The following CACNA1C variants were observed in gnomAD, a reference collection of about 807,000 sequenced individuals.
CACNA1C encodes calcium voltage-gated channel subunit alpha1 C.
In CACNA1C, 30 loss-of-function variants were observed where a neutral mutation model predicts 229.0. The ratio of observed to expected loss-of-function variants is 0.13; its 90% CI spans 0.10 to 0.18. The LOEUF is 0.18. CACNA1C is among the 10% of genes least tolerant of loss of function. CACNA1C has a pLI of 1.00. For missense variants in CACNA1C, 1,658 were observed against 2,845.0 expected, an observed-to-expected ratio of 0.58 and a Z score of 9.49; for synonymous variants, 1,114 against 1,132.5, an observed-to-expected ratio of 0.98 and a Z score of 0.33.
At chr12:2,454,600 A>G (rs1026764681) in intron 4 of CACNA1C, among the ~76,000 whole-genome samples, 2 of 152,112 alleles carry the variant, frequency 1.3e-5, no homozygotes, top group African/African-American at 2.4e-5. Context: ...ATCAAGTCCA[A>G]CCAGAGATCT....
intron 3 of CACNA1C, among the ~76,000 whole-genome samples, chr12:2,377,500 C>T (rs942051849): frequency 3.3e-5 from 5 of 152,076 alleles, no homozygotes; most frequent in African/African-American, 7.2e-5. Context: ...CCCCTGACGT[C>T]GAGGGATTTA....
At position 2,346,378 on chromosome 12, in the gene CACNA1C, C is replaced by T. The variant is rs2097023496; in HGVS notation, c.478-102598C>T. 6.6e-6 allele frequency among the ~76,000 whole-genome samples: 1 copy of T among 152,062 alleles called. No homozygotes were observed. The highest frequency in any genetic ancestry group is 1.5e-5 in the Non-Finnish European group (1 of 68,018). ...TCTCTGTGTTTGTGTGTTTGTGTGTCTATGTCTGTGTTTGGGCAAGACTGT... is the reference window on the plus strand; with the variant it reads ...TCTCTGTGTTTGTGTGTTTGTGTGTTTATGTCTGTGTTTGGGCAAGACTGT... On this transcript the variant is annotated intron_variant, in intron 3 of 46. Transcript: ENST00000399655. The surrounding 1 kb of genome is among the most constrained non-coding windows in gnomAD (Gnocchi z 4.4).
chr12:2,239,043 G>A lies in CACNA1C; in HGVS notation c.477+118613G>A, dbSNP rs2068659764. Among the ~76,000 whole-genome samples, 2 of 152,330 alleles carry A rather than the reference G, an allele frequency of 1.3e-5. 1 individual carries two copies. The highest frequency in any genetic ancestry group is 6.8e-3 in the Middle Eastern group (2 of 294). On this transcript the variant is annotated intron_variant, in intron 3 of 46. Coordinates refer to ENST00000399655, the MANE Select transcript of CACNA1C (RefSeq NM_000719.7). ...TGACATAACACATATGAACCATTTA[G>A]CTAGCGTCATGCCTGTCACATGGTA...
At chr12:2,148,448 T>C (rs1048011337) in intron 3 of CACNA1C, among the ~76,000 whole-genome samples, 1 of 151,036 alleles carries the variant, frequency 6.6e-6, no homozygotes, top group Non-Finnish European at 1.5e-5. Flanking sequence ...GCTCCAGGGG[T>C]TCTGGGTCAC....
chr12:2,121,476 T>C (rs2086692680), intron 3 of CACNA1C, among the ~76,000 whole-genome samples: 1 of 152,130 alleles, frequency 6.6e-6, no homozygotes, highest in African/African-American at 2.4e-5. Context: ...GTCGCCCCAG[T>C]TTTTTCAGGT....
intron 1 of CACNA1C, among the ~76,000 whole-genome samples, chr12:2,111,636 A>G (rs1565761029): frequency 6.6e-6 from 1 of 152,172 alleles, no homozygotes; most frequent in Non-Finnish European, 1.5e-5. Context: ...AGTTGGGGAC[A>G]GGGCAGCTTT....
chr12:2,211,550 G>A (rs909846477), intron 3 of CACNA1C, among the ~76,000 whole-genome samples: 1 of 152,134 alleles, frequency 6.6e-6, no homozygotes, highest in African/African-American at 2.4e-5. Context: ...GATTAATTCA[G>A]TAGGACCCCA....
intron 3 of CACNA1C, among the ~76,000 whole-genome samples, chr12:2,328,856 A>T (rs1226130028): frequency 6.6e-6 from 1 of 152,206 alleles, no homozygotes; most frequent in East Asian, 1.9e-4. Context: ...CAGTGTGGGT[A>T]GACAAGGCCA....
intron 6 of CACNA1C, among the ~76,000 whole-genome samples, chr12:2,491,352 C>T (rs2099729303): frequency 6.6e-6 from 1 of 151,838 alleles, no homozygotes; most frequent in Admixed American, 6.6e-5. Context: ...TGTACATTTA[C>T]ATTGATAAAT....
chr12:2,359,509 A>G (rs1249898619), intron 3 of CACNA1C, among the ~76,000 whole-genome samples: 1 of 151,952 alleles, frequency 6.6e-6, no homozygotes, highest in African/African-American at 2.4e-5. Flanking sequence ...AATCTTGTCA[A>G]AATAGCCTTC....
chr12:2,113,333 G>A (rs1272340907), intron 1 of CACNA1C, among the ~76,000 whole-genome samples: 1 of 152,200 alleles, frequency 6.6e-6, no homozygotes, highest in Non-Finnish European at 1.5e-5. Flanking sequence ...ATAGGTTCTG[G>A]AAAGCAGGTC....
At chr12:2,245,870 G>A (rs142779791) in intron 3 of CACNA1C, among the ~76,000 whole-genome samples, 177 of 152,272 alleles carry the variant, frequency 1.2e-3, no homozygotes, top group Non-Finnish European at 2.1e-3. Flanking sequence ...CAGTAGATAT[G>A]CAAATGACTT....
intron 3 of CACNA1C, among the ~76,000 whole-genome samples, chr12:2,428,094 A>G (rs2099050188): frequency 6.6e-6 from 1 of 152,174 alleles, no homozygotes; most frequent in South Asian, 2.1e-4. Flanking sequence ...AACCTGTTTT[A>G]ATTACACCTG....
intron 1 of CACNA1C, among the ~76,000 whole-genome samples, chr12:2,005,115 G>A (rs556176192): frequency 5.0e-4 from 75 of 151,204 alleles, no homozygotes; most frequent in African/African-American, 1.8e-3. Flanking sequence ...GTCAAAGTAC[G>A]CGTCACTAAT....
chr12:2,439,411 C>T (rs536796141), intron 3 of CACNA1C, among the ~76,000 whole-genome samples: 11 of 152,306 alleles, frequency 7.2e-5, no homozygotes, highest in East Asian at 5.8e-4. Context: ...GCAAATCTAC[C>T]GCATTGGCTT....
intron 1 of CACNA1C, among the ~76,000 whole-genome samples, chr12:2,022,416 G>T (rs569415435): frequency 0.03 from 4,463 of 149,592 alleles, 95 homozygotes; most frequent in Non-Finnish European, 0.044. Flanking sequence ...TTGGGGTTTT[G>T]TTTTGGTTTG....
intron 39 of CACNA1C, among the ~76,000 whole-genome samples, chr12:2,675,629 T>C (rs2096768586): frequency 6.6e-6 from 1 of 152,194 alleles, no homozygotes; most frequent in Admixed American, 6.5e-5. Context: ...ATAGTTTTCC[T>C]CAATTTACAC....
In CACNA1C at chr12:2,630,406, C is replaced by G. The variant is rs573179904; in HGVS notation, c.3829-3891C>G. On this transcript the variant is annotated intron_variant, in intron 29 of 46. Transcript: ENST00000399655. The surrounding 1 kb of genome is among the most constrained non-coding windows in gnomAD (Gnocchi z 5.4). ...CCCGAGAGTGTTGGGAAAAGTATTC[C>G]TCCTAGGACCCAACCACCTGGGGAC... Among the ~76,000 whole-genome samples the G allele has an allele frequency of 1.3e-5, 2 of 152,212 alleles. No homozygotes were observed. The highest frequency in any genetic ancestry group is 3.9e-4 in the East Asian group (2 of 5,166).
intron 3 of CACNA1C, among the ~76,000 whole-genome samples, chr12:2,237,081 T>G (rs777044597): frequency 6.6e-6 from 1 of 152,190 alleles, no homozygotes; most frequent in Non-Finnish European, 1.5e-5. Flanking sequence ...ATCTGCTTGC[T>G]TGTCGTGTGG....
Sources: gnomAD v4.1 joint callset for allele counts (sites outside exome capture counted in the v4.1 genomes callset) on GRCh38, gnomAD v4.1.1 for gene constraint, Gnocchi (gnomAD v3.1) non-coding constraint, MANE v1.5 for transcripts, NCBI Gene and HGNC (gene_info 2026-07-23, HGNC 2026-07-21) for gene names.